The following DIPK1A variants were observed in gnomAD, a reference collection of about 807,000 sequenced individuals.
The protein encoded by DIPK1A is family with sequence similarity 69 member A.
Under a neutral mutation model 40.8 loss-of-function variants are expected in DIPK1A, and 27 were observed. The ratio of observed to expected loss-of-function variants is 0.66; its 90% CI spans 0.49 to 0.91. The LOEUF (loss-of-function observed/expected upper bound fraction) is 0.91, where lower values mean the gene tolerates loss of function less well. Ranked by LOEUF, DIPK1A falls within the 40% of genes least tolerant of loss-of-function variation. DIPK1A has a pLI of 0.00. For synonymous variants in DIPK1A, 166 were observed against 171.3 expected, an observed-to-expected ratio of 0.97 and a Z score of 0.24; for missense variants, 412 against 505.7, an observed-to-expected ratio of 0.81 and a Z score of 1.78.
At chr1:92,876,463 T>C (rs1444588952) in intron 1 of DIPK1A, 33 bp from the exon 2 acceptor site, 8 of 1,609,448 alleles carry the variant, frequency 5.0e-6, no homozygotes, top group Non-Finnish European at 6.8e-6. Flanking sequence ...CGATCATTCA[T>C]TCAGCACCAA....
rs892935199 is a variant in DIPK1A at position 92,837,037 on chromosome 1, G to A, written c.475-4003C>T. 1.4e-5 allele frequency: 4 copies of A among 285,666 alleles called. No homozygotes were observed. In the Admixed American group the frequency reaches 2.0e-4, roughly 14 times the overall value. 17.7% of individuals were successfully genotyped at this position (285,666 alleles called of 1,614,324 possible). ...ATTTTGCTTTTATGATGTGGAGGTG[G>A]GTGGGGGGAGTTAGTTGCAAGTACA... On this transcript the variant is annotated intron_variant, in intron 4 of 4. Transcript: ENST00000615519.
intron 1 of DIPK1A, among the ~76,000 whole-genome samples, chr1:92,885,274 C>T (rs1648544654): frequency 6.6e-6 from 1 of 152,144 alleles, no homozygotes; most frequent in African/African-American, 2.4e-5. Flanking sequence ...AGATGCTATT[C>T]CCATTGGTTG....
At chr1:92,951,380 AACC>A (rs756421297) in intron 1 of DIPK1A, among the ~76,000 whole-genome samples, 152 of 152,324 alleles carry the variant, frequency 1.0e-3, no homozygotes, top group Non-Finnish European at 1.0e-3. Flanking sequence ...TCAGTCCTGC[AACC>A]ACATGTAACT....
rs1011328374 is a variant in DIPK1A at position 92,953,456 on chromosome 1, C to T, written c.54+7920G>A. 2.0e-5 allele frequency among the ~76,000 whole-genome samples: 3 copies of T among 152,168 alleles called. No individual in the cohort carries two copies. In the East Asian group the frequency reaches 5.8e-4, roughly 29 times the overall value. On this transcript the variant is annotated intron_variant, in intron 1 of 4. Coordinates refer to ENST00000370310, the MANE Select transcript of DIPK1A (RefSeq NM_001006605.5). ...GATCTCAAAGAGATATTTGCACTCC[C>T]ATGTTCATTGTAGTACAATTCACAA... is the stretch of plus-strand genomic sequence containing the variant.
At chr1:92,936,164 G>A (rs993799383) in intron 1 of DIPK1A, among the ~76,000 whole-genome samples, 6 of 152,132 alleles carry the variant, frequency 3.9e-5, no homozygotes, top group African/African-American at 1.4e-4. Context: ...TAAAAAAGCT[G>A]TAGATTTGGC....
intron 1 of DIPK1A, among the ~76,000 whole-genome samples, chr1:92,939,613 T>G (rs1651075034): frequency 1.3e-5 from 2 of 152,098 alleles, no homozygotes; most frequent in Admixed American, 1.3e-4. Flanking sequence ...GATACCCCTT[T>G]CCTCCCACAT....
At chr1:92,950,281 T>G (rs1319407747) in intron 1 of DIPK1A, among the ~76,000 whole-genome samples, 2 of 152,148 alleles carry the variant, frequency 1.3e-5, no homozygotes, top group African/African-American at 2.4e-5. Flanking sequence ...GAGAGCATGT[T>G]GTCTGGAAAC....
chr1:92,888,216 A>G (rs1648702336), intron 1 of DIPK1A, among the ~76,000 whole-genome samples: 1 of 151,998 alleles, frequency 6.6e-6, no homozygotes, highest in Admixed American at 6.6e-5. Context: ...ACCTCTAGTA[A>G]CCGCTCTTCT....
At chr1:92,842,032 C>A, downstream of DIPK1A, 1 of 789,824 alleles carries the variant, frequency 1.3e-6, no homozygotes, top group Non-Finnish European at 1.9e-6. Context: ...ACAAGTGTAA[C>A]TAACTTTTTA....
intron 1 of DIPK1A, among the ~76,000 whole-genome samples, chr1:92,897,518 AG>A (rs1649225897): frequency 6.9e-6 from 1 of 144,354 alleles, no homozygotes; most frequent in South Asian, 2.4e-4. Context: ...GGGTGGGCGG[AG>A]GGGGGAGGGA....
intron 1 of DIPK1A, among the ~76,000 whole-genome samples, chr1:92,903,038 A>G (rs1310671877): frequency 6.6e-6 from 1 of 152,138 alleles, no homozygotes; most frequent in Non-Finnish European, 1.5e-5. Context: ...TTTCTGAAAC[A>G]TAATGTTACA....
chr1:92,895,637 T>C (rs1180826968), intron 1 of DIPK1A, among the ~76,000 whole-genome samples: 1 of 151,998 alleles, frequency 6.6e-6, no homozygotes, highest in Admixed American at 6.6e-5. Context: ...CAACACAGTG[T>C]TGGAAGTTCT....
intron 4 of DIPK1A, chr1:92,846,597 A>G: frequency 2.3e-6 from 1 of 426,058 alleles, no homozygotes; most frequent in Non-Finnish European, 4.7e-6. Flanking sequence ...AAATAATGTT[A>G]AAGTAAACAT....
At chr1:92,926,781 G>A (rs982628901) in intron 1 of DIPK1A, among the ~76,000 whole-genome samples, 39 of 152,298 alleles carry the variant, frequency 2.6e-4, no homozygotes, top group African/African-American at 9.1e-4. Flanking sequence ...AGTACTCCTT[G>A]AAGTCCATCT....
At chr1:92,865,786 A>G (rs2100755618) in intron 2 of DIPK1A, among the ~76,000 whole-genome samples, 1 of 152,334 alleles carries the variant, frequency 6.6e-6, no homozygotes, top group Admixed American at 6.5e-5. Flanking sequence ...AACATTATCC[A>G]TTGGTTAGAG....
intron 1 of DIPK1A, among the ~76,000 whole-genome samples, chr1:92,925,630 A>G (rs983319402): frequency 6.6e-6 from 1 of 152,016 alleles, no homozygotes; most frequent in African/African-American, 2.4e-5. Context: ...AGTAGCTGGG[A>G]TTACAGGCAT....
chr1:92,927,777 T>C (rs1171031877), intron 1 of DIPK1A, among the ~76,000 whole-genome samples: 9 of 152,262 alleles, frequency 5.9e-5, no homozygotes. Flanking sequence ...TGTTACAACA[T>C]GAATCAGTAC....
chr1:92,902,149 A>G (rs1346635682), intron 1 of DIPK1A, among the ~76,000 whole-genome samples: 1 of 152,204 alleles, frequency 6.6e-6, no homozygotes, highest in African/African-American at 2.4e-5. Context: ...CACTCTGGGC[A>G]GCCAAGGCAT....
chr1:92,861,092 T>C (rs554448091), intron 2 of DIPK1A, among the ~76,000 whole-genome samples: 12 of 152,246 alleles, frequency 7.9e-5, no homozygotes, highest in African/African-American at 2.4e-4. Context: ...TTCAGTAATA[T>C]GTGGAATAGA....
Sources: gnomAD v4.1 joint callset for allele counts (sites outside exome capture counted in the v4.1 genomes callset) on GRCh38, gnomAD v4.1.1 for gene constraint, MANE v1.5 for transcripts, NCBI Gene and HGNC (gene_info 2026-07-23, HGNC 2026-07-21) for gene names.